Variants in ARHGEF33 observed in about 807,000 individuals in gnomAD.
The protein encoded by ARHGEF33 is DH and coiled-coil domain-containing protein ENSP00000381780.
Under a neutral mutation model 101.9 loss-of-function variants are expected in ARHGEF33, and 72 were observed. The ratio of observed to expected loss-of-function variants is 0.71; its 90% CI spans 0.58 to 0.86. The LOEUF (loss-of-function observed/expected upper bound fraction) is 0.86, where lower values mean the gene tolerates loss of function less well. ARHGEF33 is among the 40% of genes least tolerant of loss of function. ARHGEF33 has a pLI of 0.00. For missense variants in ARHGEF33, 1,169 were observed against 1,111.3 expected (o/e 1.05, Z -0.74); for synonymous variants, 499 against 442.5 (o/e 1.13, Z -1.60).
chr2:38,960,013 G>A lies in ARHGEF33; in HGVS notation c.1708G>A (p.Gly570Arg), dbSNP rs1447870857. The change falls in exon 16 of 18, where the codon GGG becomes AGG. Residue 570 changes from glycine to arginine, a missense_variant. Physicochemically the swap from Gly to Arg is moderately radical, Grantham distance 125. Transcript: ENST00000409978. ...AAEQDVKALA[G>R]PLQAIPEMDF... ...CGAGCAGGACGTGAAGGCGCTGGCC[G>A]GGCCCCTGCAGGCCATCCCGGAGAT... 3 of 1,548,446 alleles carry A rather than the reference G, an allele frequency of 1.9e-6. No homozygotes were observed. The highest frequency in any genetic ancestry group is 1.4e-5 in the African/African-American group (1 of 72,990).
At chr2:38,962,878 GC>G (rs1667976427) in intron 16 of ARHGEF33, among the ~76,000 whole-genome samples, 1 of 120,740 alleles carries the variant, frequency 8.3e-6, no homozygotes, top group Non-Finnish European at 1.7e-5. Context: ...AAAAAAATTA[GC>G]CGGGCATGGT....
intron 14 of ARHGEF33, among the ~76,000 whole-genome samples, chr2:38,957,724 C>T (rs1290547102): frequency 1.3e-5 from 2 of 152,154 alleles, no homozygotes; most frequent in African/African-American, 4.8e-5. Flanking sequence ...AGGAGAACAA[C>T]CATTTCTGTG....
intron 2 of ARHGEF33, among the ~76,000 whole-genome samples, chr2:38,899,489 G>A (rs1298115560): frequency 6.6e-6 from 1 of 152,076 alleles, no homozygotes; most frequent in Non-Finnish European, 1.5e-5. Flanking sequence ...CTTATATGTG[G>A]AATCTAAATA....
intron 2 of ARHGEF33, among the ~76,000 whole-genome samples, chr2:38,915,659 AC>A (rs1451266515): frequency 6.6e-6 from 1 of 152,148 alleles, no homozygotes; most frequent in Non-Finnish European, 1.5e-5. Flanking sequence ...AGCATGAGCC[AC>A]CATGCCTGGC....
chr2:38,918,165 C>G (rs1477271622), intron 2 of ARHGEF33, among the ~76,000 whole-genome samples: 1 of 152,214 alleles, frequency 6.6e-6, no homozygotes, highest in Non-Finnish European at 1.5e-5. Context: ...GCCTAAATCA[C>G]ATAGTACAAC....
At chr2:38,964,260 G>C (rs2124428451) in intron 16 of ARHGEF33, among the ~76,000 whole-genome samples, 1 of 152,168 alleles carries the variant, frequency 6.6e-6, no homozygotes, top group South Asian at 2.1e-4. Flanking sequence ...AGAACGTATG[G>C]AGATTTGAAA....
intron 2 of ARHGEF33, among the ~76,000 whole-genome samples, chr2:38,912,800 C>T (rs952415463): frequency 2.0e-5 from 3 of 152,256 alleles, no homozygotes; most frequent in Middle Eastern, 3.4e-3. Context: ...GCTCTGTATG[C>T]CATGATCCTG....
At chr2:38,936,980 A>C (rs1413569753) in intron 8 of ARHGEF33, 1 of 150,488 alleles carries the variant, frequency 6.6e-6, no homozygotes, top group Non-Finnish European at 1.5e-5. Flanking sequence ...CCGTCTCAAA[A>C]AAAAAAAAGT....
At chr2:38,964,491 C>T (rs1668011152) in intron 16 of ARHGEF33, among the ~76,000 whole-genome samples, 1 of 151,550 alleles carries the variant, frequency 6.6e-6, no homozygotes, top group Admixed American at 6.6e-5. Flanking sequence ...CACTCCCCAG[C>T]ATTAGCATCA....
intron 7 of ARHGEF33, among the ~76,000 whole-genome samples, chr2:38,932,564 C>G (rs1204683291): frequency 1.3e-5 from 2 of 152,172 alleles, no homozygotes; most frequent in East Asian, 3.8e-4. Flanking sequence ...TCCTCTAAGA[C>G]ATGAACAGCT....
chr2:38,960,282 C>A lies in ARHGEF33; in HGVS notation c.1977C>A (p.Pro659=). ...ESSLDICFLR[P]VSFAMEAERP... The stretch of plus-strand genomic sequence containing the variant: ...GCCTGGACATCTGCTTCCTGCGGCC[C>A]GTCAGCTTCGCCATGGAGGCCGAGC... The change falls in exon 16 of 18, where the codon CCC becomes CCA. Residue 659 remains proline (P), a synonymous_variant. Transcript: ENST00000409978. 6.5e-7 allele frequency: 1 copy of A among 1,547,182 alleles called. No homozygotes were observed. The highest frequency in any genetic ancestry group is 8.7e-7 in the Non-Finnish European group (1 of 1,146,146).
At chr2:38,905,783 T>G (rs1666373784) in intron 2 of ARHGEF33, among the ~76,000 whole-genome samples, 1 of 152,176 alleles carries the variant, frequency 6.6e-6, no homozygotes. Flanking sequence ...GTGTGTGCCC[T>G]GTTAGATCAA....
Position 38,943,919 on chromosome 2 carries a change from C to A in ARHGEF33, c.809C>A (p.Ala270Asp). 6.4e-7 allele frequency: 1 copy of A among 1,551,736 alleles called. No homozygotes were observed. The highest frequency in any genetic ancestry group is 2.4e-5 in the East Asian group (1 of 40,908). ...TSLAAKRQTV[A>D]LELLESERKY... is the part of the protein sequence containing the mutation. Reference sequence around the variant, plus strand: ...TCTAAAGCTAAAAGACAGACTGTGGCCCTGGAACTGCTTGAATCTGAAAGA... The same window carrying A: ...TCTAAAGCTAAAAGACAGACTGTGGACCTGGAACTGCTTGAATCTGAAAGA... Residue 270 changes from alanine (A) to aspartate (D), a missense_variant, in exon 10 of 18, where the codon GCC becomes GAC. Ala to Asp is a moderately radical substitution (Grantham distance 126). Coordinates refer to ENST00000409978, the MANE Select transcript of ARHGEF33 (RefSeq NM_001145451.5).
At chr2:38,905,135 T>C (rs1666362233) in intron 2 of ARHGEF33, among the ~76,000 whole-genome samples, 1 of 152,082 alleles carries the variant, frequency 6.6e-6, no homozygotes, top group Non-Finnish European at 1.5e-5. Flanking sequence ...CCCAGTGACA[T>C]TATTCGTTGG....
Position 38,937,409 on chromosome 2 carries a change from C to A in ARHGEF33, c.640C>A (p.His214Asn). 1 of 1,547,046 alleles carries A rather than the reference C, an allele frequency of 6.5e-7. No individual in the cohort carries two copies. Among genetic ancestry groups the A allele is most frequent in the South Asian group, 1.2e-5 (1 of 83,856 alleles). Residue 214 changes from histidine to asparagine, a missense_variant, in exon 9 of 18, where the codon CAT becomes AAT. Transcript: ENST00000409978. Reference protein sequence around the residue: ...CLSADIQSKGHLPSGMWRQPK... With the variant: ...CLSADIQSKGNLPSGMWRQPK... ...CTCGGCTGATATCCAGTCCAAGGGC[C>A]ATCTCCCATCTGGCATGTGGAGGCA...
chr2:38,939,238 T>C (rs1667237035), intron 9 of ARHGEF33, among the ~76,000 whole-genome samples: 1 of 152,216 alleles, frequency 6.6e-6, no homozygotes, highest in South Asian at 2.1e-4. Context: ...CCTCCCAAAG[T>C]GCTGGGATTA....
intron 2 of ARHGEF33, among the ~76,000 whole-genome samples, chr2:38,906,944 CCT>C (rs1666405815): frequency 6.6e-6 from 1 of 151,952 alleles, no homozygotes. Context: ...AATGAGACCC[CCT>C]GTCTCAAAAA....
chr2:38,917,096 G>A (rs1371897798), intron 2 of ARHGEF33, among the ~76,000 whole-genome samples: 2 of 43,986 alleles, frequency 4.5e-5, no homozygotes, highest in South Asian at 1.1e-3. Context: ...CACTGCAACC[G>A]GTCTTCTTTT....
At chr2:38,918,246 C>T (rs1464667423) in intron 2 of ARHGEF33, among the ~76,000 whole-genome samples, 5 of 152,208 alleles carry the variant, frequency 3.3e-5, no homozygotes, top group Admixed American at 2.6e-4. Context: ...ATAATGGTCA[C>T]CACCACTACC....
Sources: gnomAD v4.1 joint callset for allele counts (sites outside exome capture counted in the v4.1 genomes callset) on GRCh38, gnomAD v4.1.1 for gene constraint, MANE v1.5 for transcripts, NCBI Gene and HGNC (gene_info 2026-07-23, HGNC 2026-07-21) for gene names.